Variants in GPATCH2 observed in about 807,000 individuals in gnomAD.
GPATCH2 encodes the protein G patch domain-containing protein 2.
GPATCH2 carries 51 observed loss-of-function variants against 58.0 expected under a neutral mutation model. The ratio of observed to expected loss-of-function variants is 0.88; its 90% CI spans 0.70 to 1.11. The LOEUF is 1.11. Ranked by LOEUF, GPATCH2 falls within the 50% of genes most tolerant of loss-of-function variation. The pLI is 0.00. For synonymous variants in GPATCH2, 222 were observed against 218.5 expected, an observed-to-expected ratio of 1.02 and a Z score of -0.14; for missense variants, 625 against 652.2, an observed-to-expected ratio of 0.96 and a Z score of 0.45.
intron 5 of GPATCH2, among the ~76,000 whole-genome samples, chr1:217,579,123 G>GT (rs1467270804): frequency 6.6e-6 from 1 of 152,056 alleles, no homozygotes; most frequent in African/African-American, 2.4e-5. Flanking sequence ...TTTAAAAGGT[G>GT]TAACGCACCT....
intron 8 of GPATCH2, among the ~76,000 whole-genome samples, chr1:217,488,864 T>TG (rs1296258726): frequency 6.6e-6 from 1 of 150,694 alleles, no homozygotes; most frequent in East Asian, 2.0e-4. Flanking sequence ...ATTTAAAATT[T>TG]TTTTTTTTTT....
intron 5 of GPATCH2, among the ~76,000 whole-genome samples, chr1:217,563,005 T>A (rs1571923423): frequency 9.6e-6 from 1 of 103,750 alleles, no homozygotes; most frequent in Non-Finnish European, 2.4e-5. Flanking sequence ...TTTGGACAAG[T>A]TTGCTAAGTT....
intron 5 of GPATCH2, among the ~76,000 whole-genome samples, chr1:217,525,275 C>T (rs908093930): frequency 6.6e-6 from 1 of 151,992 alleles, no homozygotes; most frequent in Non-Finnish European, 1.5e-5. Context: ...TAAGATAACC[C>T]TCCATCTCAC....
At chr1:217,441,744 CTCA>C (rs1212832156) in intron 9 of GPATCH2, among the ~76,000 whole-genome samples, 1 of 152,146 alleles carries the variant, frequency 6.6e-6, no homozygotes, top group African/African-American at 2.4e-5. Flanking sequence ...TGAAAAAAAG[CTCA>C]TCATCACTGG....
rs567019452 is a variant in GPATCH2 at position 217,527,302 on chromosome 1, G to C, written c.1099-12413C>G. ...TTGGAAAGCACTGGTTTATAAAGTC[G>C]GTCAGGTAGCCAGAGATAACTCACT... On this transcript the variant is annotated intron_variant, in intron 5 of 9. Coordinates refer to ENST00000366935, the MANE Select transcript of GPATCH2 (RefSeq NM_018040.5). Among the ~76,000 whole-genome samples the C allele has an allele frequency of 2.0e-5, 3 of 152,142 alleles. No individual in the cohort carries two copies. The South Asian group carries it at 6.2e-4, about 32-fold the overall frequency.
chr1:217,558,009 C>T (rs1424651592), intron 5 of GPATCH2, among the ~76,000 whole-genome samples: 2 of 151,930 alleles, frequency 1.3e-5, no homozygotes, highest in Non-Finnish European at 1.5e-5. Flanking sequence ...TTTTTTTAAC[C>T]CCCTGACTTT....
At chr1:217,595,646 T>C (rs190940257) in intron 5 of GPATCH2, among the ~76,000 whole-genome samples, 185 of 152,054 alleles carry the variant, frequency 1.2e-3, no homozygotes, top group Non-Finnish European at 2.2e-3. Context: ...ATTACAGGCA[T>C]GTACCACCAC....
intron 5 of GPATCH2, among the ~76,000 whole-genome samples, chr1:217,595,448 A>G (rs945989605): frequency 6.6e-6 from 1 of 152,094 alleles, no homozygotes. Context: ...TTATTCTGAG[A>G]ATTTTAATTT....
chr1:217,556,596 T>C (rs1166991446), intron 5 of GPATCH2, among the ~76,000 whole-genome samples: 1 of 152,226 alleles, frequency 6.6e-6, no homozygotes, highest in African/African-American at 2.4e-5. Context: ...CCACAATTTA[T>C]CCATTTTCCT....
At chr1:217,511,658 C>T (rs184346585) in intron 6 of GPATCH2, among the ~76,000 whole-genome samples, 61 of 152,222 alleles carry the variant, frequency 4.0e-4, no homozygotes, top group African/African-American at 1.4e-3. Flanking sequence ...TGGCCATATA[C>T]CTTCTTCTGT....
intron 8 of GPATCH2, among the ~76,000 whole-genome samples, chr1:217,463,308 A>G (rs1251333751): frequency 1.3e-5 from 2 of 152,170 alleles, no homozygotes; most frequent in Non-Finnish European, 2.9e-5. Context: ...ACAACACTTT[A>G]TATCTTTTTC....
intron 5 of GPATCH2, among the ~76,000 whole-genome samples, chr1:217,534,137 A>T (rs1443401785): frequency 6.6e-6 from 1 of 152,028 alleles, no homozygotes; most frequent in Non-Finnish European, 1.5e-5. Context: ...AATCGCTTGA[A>T]CCCAGGAAGT....
intron 6 of GPATCH2, among the ~76,000 whole-genome samples, chr1:217,511,292 G>A (rs1489690686): frequency 6.6e-6 from 1 of 152,094 alleles, no homozygotes; most frequent in Non-Finnish European, 1.5e-5. Context: ...AGGATTGGTA[G>A]GGGTGTCTTT....
chr1:217,484,737 TATATAAATAC>T (rs1661381583), intron 8 of GPATCH2, among the ~76,000 whole-genome samples: 1 of 150,594 alleles, frequency 6.6e-6, no homozygotes, highest in African/African-American at 2.4e-5. Flanking sequence ...TGTGCATATG[TATATAAATAC>T]ATAGGAGGTA....
intron 5 of GPATCH2, among the ~76,000 whole-genome samples, chr1:217,565,061 C>A (rs1044798220): frequency 1.3e-5 from 2 of 152,120 alleles, no homozygotes; most frequent in African/African-American, 4.8e-5. Context: ...CATGAATAGG[C>A]TGATCAACAA....
chr1:217,606,211 T>A (rs912406520), intron 5 of GPATCH2, among the ~76,000 whole-genome samples: 5 of 151,050 alleles, frequency 3.3e-5, no homozygotes, highest in Admixed American at 6.6e-5. Context: ...AAGCTATTCA[T>A]TTAGCTTAAA....
In GPATCH2 at chr1:217,543,265, G is replaced by A. The variant is rs773195632; in HGVS notation, c.1099-28376C>T. 3.5e-5 allele frequency among the ~76,000 whole-genome samples: 5 copies of A among 141,978 alleles called. No individual in the cohort carries two copies. In the South Asian group the frequency reaches 7.0e-4, roughly 20 times the overall value. 93.1% of individuals were successfully genotyped at this position (141,978 alleles called of 152,430 possible). A position where few individuals can be genotyped will look rare whatever the true frequency, so the allele number is the denominator to read the frequency against. Reference sequence around the variant, plus strand: ...ACATCATTGAAAAGCATGATGATGCGAACGTTTTTTTTTTTTTTTTTTGAG... The same window carrying A: ...ACATCATTGAAAAGCATGATGATGCAAACGTTTTTTTTTTTTTTTTTTGAG... On this transcript the variant is annotated intron_variant, in intron 5 of 9. Transcript: ENST00000366935.
intron 5 of GPATCH2, among the ~76,000 whole-genome samples, chr1:217,532,655 C>T (rs149254981): frequency 4.9e-4 from 75 of 152,098 alleles, no homozygotes; most frequent in African/African-American, 1.7e-3. Context: ...GCTGACCTGA[C>T]CCCTGAAGGA....
intron 6 of GPATCH2, among the ~76,000 whole-genome samples, chr1:217,510,582 A>G (rs1360454273): frequency 2.6e-5 from 4 of 151,924 alleles, no homozygotes; most frequent in African/African-American, 9.7e-5. Flanking sequence ...AAATTAGTTC[A>G]TTGATGAGTA....
Sources: gnomAD v4.1 joint callset for allele counts (sites outside exome capture counted in the v4.1 genomes callset) on GRCh38, gnomAD v4.1.1 for gene constraint, MANE v1.5 for transcripts, NCBI Gene and HGNC (gene_info 2026-07-23, HGNC 2026-07-21) for gene names.